PCDHA1: variants seen among roughly 807,000 people sequenced by gnomAD.
PCDHA1 encodes protocadherin alpha 1.
In PCDHA1, 42 loss-of-function variants were observed where a neutral mutation model predicts 61.3. The observed-to-expected ratio is 0.69, with a 90% CI of 0.54 to 0.89. PCDHA1 has a LOEUF of 0.89. Among genes scored for constraint, PCDHA1 ranks in the 40% least tolerant of loss-of-function variants. The pLI is 0.00. For missense variants in PCDHA1, 1,256 were observed against 1,235.3 expected (o/e 1.02, Z -0.25); for synonymous variants, 610 against 553.8 (o/e 1.10, Z -1.43).
intron 1 of PCDHA1, chr5:140,869,331 G>T: frequency 6.2e-7 from 1 of 1,613,954 alleles, no homozygotes; most frequent in Non-Finnish European, 8.5e-7. Flanking sequence ...ACCTTCTGGA[G>T]GTAAATCTGC....
intron 1 of PCDHA1, among the ~76,000 whole-genome samples, chr5:140,920,560 C>T (rs1288031450): frequency 1.3e-5 from 2 of 152,168 alleles, no homozygotes; most frequent in Non-Finnish European, 2.9e-5. Flanking sequence ...AAGTGTGGCC[C>T]TTAGGCCAGG....
At chr5:140,914,097 A>G (rs191641220) in intron 1 of PCDHA1, among the ~76,000 whole-genome samples, 38 of 152,298 alleles carry the variant, frequency 2.5e-4, no homozygotes, top group Admixed American at 9.2e-4. Flanking sequence ...AATTTGTTCT[A>G]TAGTGCAGAT....
intron 1 of PCDHA1, chr5:140,866,169 T>C (rs914189373): frequency 2.0e-5 from 3 of 152,132 alleles, no homozygotes; most frequent in African/African-American, 4.8e-5. Context: ...TCGTTTAACA[T>C]GTAAGAAAAG....
At chr5:140,838,615 T>G (rs1554137122) in intron 1 of PCDHA1, among the ~76,000 whole-genome samples, 2 of 152,036 alleles carry the variant, frequency 1.3e-5, no homozygotes, top group African/African-American at 4.8e-5. Flanking sequence ...TTTTAAAAAT[T>G]TTTTACAAAT....
At chr5:140,842,093 G>C (rs145495287) in intron 1 of PCDHA1, 1 of 1,613,850 alleles carries the variant, frequency 6.2e-7, no homozygotes, top group Non-Finnish European at 8.5e-7. Context: ...CGCAGACAAC[G>C]GAACAACAGT....
intron 1 of PCDHA1, chr5:140,884,308 G>C: frequency 6.2e-7 from 1 of 1,613,766 alleles, no homozygotes; most frequent in Non-Finnish European, 8.5e-7. Flanking sequence ...AGGCTTCGTC[G>C]AGGGCGTCGG....
intron 1 of PCDHA1, among the ~76,000 whole-genome samples, chr5:140,899,719 C>A (rs2067514429): frequency 6.6e-6 from 1 of 152,198 alleles, no homozygotes; most frequent in Non-Finnish European, 1.5e-5. Flanking sequence ...AGGATTCCCT[C>A]TTTTTCTATT....
At chr5:140,811,011 A>C (rs570654154) in intron 1 of PCDHA1, 9 of 152,134 alleles carry the variant, frequency 5.9e-5, no homozygotes, top group African/African-American at 1.2e-4. Context: ...ATTTCTTCTT[A>C]TTATTTTTAT....
chr5:140,986,853 A>G (rs1424493333), intron 3 of PCDHA1, among the ~76,000 whole-genome samples: 3 of 152,206 alleles, frequency 2.0e-5, no homozygotes, highest in Admixed American at 6.5e-5. Flanking sequence ...AGCAACACCA[A>G]CAATACCCGG....
chr5:141,009,878 A>G lies in PCDHA1; in HGVS notation c.2794A>G (p.Asn932Asp). Residue 932 changes from asparagine to aspartate, a missense_variant, in exon 4 of 4, where the codon AAC (asparagine) becomes GAC (aspartate). Coordinates refer to ENST00000504120, the MANE Select transcript of PCDHA1 (RefSeq NM_018900.4). ...TKKKKKKKKG[N>D]KTQEKKEKGN... ...GAAAAAGAAGAAAAAGAAGAAGGGT[A>G]ACAAGACCCAGGAGAAAAAAGAGAA... is the stretch of plus-strand genomic sequence containing the variant. 4 of 1,613,898 alleles carry G rather than the reference A, an allele frequency of 2.5e-6. No homozygotes were observed. Among genetic ancestry groups the G allele is most frequent in the South Asian group, 1.1e-5 (1 of 91,050 alleles).
chr5:140,827,227 G>A (rs1355140573), intron 1 of PCDHA1, among the ~76,000 whole-genome samples: 1 of 152,144 alleles, frequency 6.6e-6, no homozygotes, highest in Non-Finnish European at 1.5e-5. Flanking sequence ...GAAAGGATAT[G>A]GGACAGGGTT....
intron 1 of PCDHA1, among the ~76,000 whole-genome samples, chr5:140,819,312 G>C (rs978611638): frequency 6.6e-6 from 1 of 151,934 alleles, no homozygotes; most frequent in African/African-American, 2.4e-5. Context: ...TTTTATTCTG[G>C]GTTTTGTAAG....
chr5:140,814,440 AC>A (rs1317702042), intron 1 of PCDHA1: 1 of 148,476 alleles, frequency 6.7e-6, no homozygotes, highest in Non-Finnish European at 1.5e-5. Flanking sequence ...TTTTGTGGTG[AC>A]CTTTTTTCTT....
At chr5:141,007,325 C>G (rs1303133451) in intron 3 of PCDHA1, among the ~76,000 whole-genome samples, 2 of 145,322 alleles carry the variant, frequency 1.4e-5, no homozygotes, top group Non-Finnish European at 3.0e-5. Flanking sequence ...CTAAAGTGGA[C>G]AGATTGCCTG....
intron 1 of PCDHA1, among the ~76,000 whole-genome samples, chr5:140,791,808 C>A (rs782272251): frequency 3.9e-5 from 6 of 152,088 alleles, no homozygotes; most frequent in African/African-American, 7.2e-5. Flanking sequence ...AGCATCCACT[C>A]CCCTTGTTGT....
chr5:140,796,848 G>T (rs782130756), intron 1 of PCDHA1: 1 of 1,614,088 alleles, frequency 6.2e-7, no homozygotes, highest in South Asian at 1.1e-5. Flanking sequence ...GGCTATACAC[G>T]GGTGAGATCA....
intron 1 of PCDHA1, chr5:140,809,670 A>G (rs1387118800): frequency 6.9e-7 from 1 of 1,443,610 alleles, no homozygotes; most frequent in Non-Finnish European, 9.3e-7. Flanking sequence ...CCTGGGTTAA[A>G]ATTTTACCTC....
chr5:140,928,082 T>G, intron 1 of PCDHA1: 1 of 1,614,212 alleles, frequency 6.2e-7, no homozygotes, highest in Non-Finnish European at 8.5e-7. Context: ...TACTACAGCC[T>G]GCTGATTGAT....
chr5:140,796,107 G>C, intron 1 of PCDHA1: 1 of 1,614,230 alleles, frequency 6.2e-7, no homozygotes, highest in Non-Finnish European at 8.5e-7. Context: ...ACTCTGGTAC[G>C]AATGGACATG....
Sources: gnomAD v4.1 joint callset for allele counts (sites outside exome capture counted in the v4.1 genomes callset) on GRCh38, gnomAD v4.1.1 for gene constraint, MANE v1.5 for transcripts, NCBI Gene and HGNC (gene_info 2026-07-23, HGNC 2026-07-21) for gene names.